Variants in ZFHX4 observed in about 807,000 individuals in gnomAD.
ZFHX4 encodes zinc finger homeobox protein 4.
Under a neutral mutation model 267.6 loss-of-function variants are expected in ZFHX4, and 56 were observed. The observed-to-expected ratio is 0.21, with a 90% CI of 0.17 to 0.26. The LOEUF (loss-of-function observed/expected upper bound fraction) is 0.26. Among genes scored for constraint, ZFHX4 ranks in the 10% least tolerant of loss-of-function variants. ZFHX4 has a pLI of 1.00. For missense variants in ZFHX4, 4,332 were observed against 4,420.0 expected (o/e 0.98, Z 0.56); for synonymous variants, 1,778 against 1,665.6 (o/e 1.07, Z -1.64).
At chr8:76,803,609 T>TA (rs35611878) in intron 4 of ZFHX4, among the ~76,000 whole-genome samples, 1 of 152,094 alleles carries the variant, frequency 6.6e-6, no homozygotes. Context: ...GAATTACTTC[T>TA]AAAAAGTATA....
At chr8:76,707,106 A>T (rs1808297361) in intron 2 of ZFHX4, among the ~76,000 whole-genome samples, 1 of 152,256 alleles carries the variant, frequency 6.6e-6, no homozygotes, top group Non-Finnish European at 1.5e-5. Context: ...GATCCAAGAT[A>T]ATTAATCTAA....
chr8:76,739,572 G>A (rs1331383296), intron 3 of ZFHX4, among the ~76,000 whole-genome samples: 1 of 152,018 alleles, frequency 6.6e-6, no homozygotes, highest in Non-Finnish European at 1.5e-5. Context: ...ATCAGGAAAG[G>A]CTTCATAAGA....
intron 10 of ZFHX4, among the ~76,000 whole-genome samples, chr8:76,859,790 A>T (rs1402057967): frequency 2.0e-5 from 3 of 152,140 alleles, no homozygotes; most frequent in Admixed American, 2.0e-4. Context: ...TTCATTTCCA[A>T]CCTCAAATAT....
intron 3 of ZFHX4, among the ~76,000 whole-genome samples, chr8:76,775,031 G>C (rs1269337493): frequency 6.6e-6 from 1 of 152,122 alleles, no homozygotes; most frequent in Non-Finnish European, 1.5e-5. Context: ...ATGTCATTGG[G>C]TAAAGTAAAT....
At chr8:76,838,323 A>G (rs140293311) in intron 5 of ZFHX4, among the ~76,000 whole-genome samples, 1,559 of 152,304 alleles carry the variant, frequency 0.01, 21 homozygotes, top group African/African-American at 0.026. Flanking sequence ...GGTGAATGTG[A>G]CACTCTAAAG....
chr8:76,709,742 T>C (rs1056782662), intron 3 of ZFHX4, among the ~76,000 whole-genome samples: 3 of 152,080 alleles, frequency 2.0e-5, no homozygotes, highest in African/African-American at 7.2e-5. Context: ...TCAGAAAACA[T>C]TTAATCTAAC....
intron 3 of ZFHX4, among the ~76,000 whole-genome samples, chr8:76,717,468 C>T (rs1288679242): frequency 6.6e-6 from 1 of 152,220 alleles, no homozygotes; most frequent in Admixed American, 6.5e-5. Context: ...CAGTTGACCA[C>T]ATCTATTAAA....
intron 1 of ZFHX4, among the ~76,000 whole-genome samples, chr8:76,695,330 G>T (rs1221923736): frequency 6.6e-6 from 1 of 152,150 alleles, no homozygotes; most frequent in Non-Finnish European, 1.5e-5. Flanking sequence ...CGCATATATG[G>T]CCTCTGTTTT....
chr8:76,854,069 C>T lies in ZFHX4; in HGVS notation c.7148C>T (p.Ser2383Phe). The T allele has an allele frequency of 6.2e-7, 1 of 1,613,968 alleles. No homozygotes were observed. Among genetic ancestry groups the T allele is most frequent in the Non-Finnish European group, 8.5e-7 (1 of 1,179,874 alleles). ...AKNAAAPAAS[S>F]GSGTSTPLIP... ...AACGCTGCTGCCCCTGCAGCAAGTT[C>T]TGGCTCTGGGACCAGCACCCCCCTG... The change falls in exon 10 of 11, where the codon TCT becomes TTT. Residue 2383 changes from serine (S) to phenylalanine (F), a missense_variant. Ser to Phe is a radical substitution (Grantham distance 155). Around this residue, in one of 7 missense-constraint regions of ZFHX4, gnomAD observed 1,648 missense variants for 1,625.0 expected, o/e 1.01. Coordinates refer to ENST00000651372, the MANE Select transcript of ZFHX4 (RefSeq NM_024721.5).
intron 8 of ZFHX4, 175 bp from the exon 9 acceptor site, chr8:76,850,070 C>G: frequency 3.3e-6 from 2 of 597,594 alleles, no homozygotes; most frequent in Non-Finnish European, 5.9e-6. Flanking sequence ...ACAACATTGC[C>G]ACAGCATTGA....
chr8:76,684,263 A>T (rs1204856357), intron 1 of ZFHX4, among the ~76,000 whole-genome samples: 1 of 152,084 alleles, frequency 6.6e-6, no homozygotes, highest in African/African-American at 2.4e-5. Flanking sequence ...TAAAAAAAAA[A>T]ATCCTTAAGG....
At chr8:76,774,420 A>G (rs1810352105) in intron 3 of ZFHX4, among the ~76,000 whole-genome samples, 1 of 152,176 alleles carries the variant, frequency 6.6e-6, no homozygotes, top group Non-Finnish European at 1.5e-5. Context: ...GTAGATAGAA[A>G]TACATCTGTA....
rs111799045 is a variant in ZFHX4 at position 76,851,834 on chromosome 8, T to C, written c.4913T>C (p.Ile1638Thr). Reference protein sequence around the residue: ...PSGHVAGGHSIAANVNSPGQG... With the variant: ...PSGHVAGGHSTAANVNSPGQG... ...GGTCATGTGGCTGGTGGGCACAGCA[T>C]TGCAGCAAATGTCAACAGCCCTGGC... The change falls in exon 10 of 11, where the codon ATT becomes ACT. Residue 1638 changes from isoleucine (I) to threonine (T), a missense_variant. By Grantham distance (89) the Ile-to-Thr change is moderately conservative (BLOSUM62 -1). Around this residue, in one of 7 missense-constraint regions of ZFHX4, gnomAD observed 1,371 missense variants for 1,423.1 expected, o/e 0.96. Transcript: ENST00000651372. 5.0e-6 allele frequency: 8 copies of C among 1,613,942 alleles called. No homozygotes were observed. In the African/African-American group the frequency reaches 6.7e-5, roughly 13 times the overall value.
At chr8:76,696,352 T>C (rs1807956519) in intron 1 of ZFHX4, among the ~76,000 whole-genome samples, 1 of 152,144 alleles carries the variant, frequency 6.6e-6, no homozygotes, top group East Asian at 1.9e-4. Context: ...GTAATTATTT[T>C]TCCTGAGATA....
intron 1 of ZFHX4, among the ~76,000 whole-genome samples, chr8:76,683,478 A>T (rs1807604953): frequency 6.6e-6 from 1 of 151,404 alleles, no homozygotes; most frequent in African/African-American, 2.4e-5. Flanking sequence ...ACTGACTCAG[A>T]CAGAGGCAGG....
At chr8:76,775,460 T>G (rs1810377629) in intron 3 of ZFHX4, among the ~76,000 whole-genome samples, 1 of 152,176 alleles carries the variant, frequency 6.6e-6, no homozygotes, top group African/African-American at 2.4e-5. Context: ...CAAAAAAGCT[T>G]TCTTCTGACA....
intron 3 of ZFHX4, among the ~76,000 whole-genome samples, chr8:76,734,701 T>A (rs187868115): frequency 2.8e-4 from 42 of 152,212 alleles, no homozygotes; most frequent in African/African-American, 8.2e-4. Context: ...AAATAAAGAT[T>A]TGCAATAAAG....
chr8:76,779,316 A>G (rs140762202), intron 4 of ZFHX4, among the ~76,000 whole-genome samples: 188 of 152,234 alleles, frequency 1.2e-3, no homozygotes, highest in African/African-American at 4.2e-3. Flanking sequence ...ATCTGTCAGG[A>G]GACATATTTA....
rs913084295 is a variant in ZFHX4, at chr8:76,864,280, C to T, written c.10566C>T (p.Ser3522=). Residue 3522 remains serine (S), a synonymous_variant, in exon 11 of 11, where the codon TCC becomes TCT. Transcript: ENST00000651372. Reference sequence around the variant, plus strand: ...CCTATCCTCATCTTTCTTGCTTCTCCATGAAGTCCTGGCCTAATATCCTTT... The same window carrying T: ...CCTATCCTCATCTTTCTTGCTTCTCTATGAAGTCCTGGCCTAATATCCTTT... The part of the protein sequence containing the change: ...NNTYPHLSCF[S]MKSWPNILFQ... 10 of 1,613,788 alleles carry T rather than the reference C, an allele frequency of 6.2e-6. No individual in the cohort carries two copies. The Admixed American group carries it at 1.0e-4, about 16-fold the overall frequency.
Sources: allele counts gnomAD v4.1 joint callset (sites outside exome capture counted in the v4.1 genomes callset), GRCh38; gene constraint gnomAD v4.1.1; regional missense constraint gnomAD v4.1.1; transcripts MANE v1.5; gene names NCBI Gene and HGNC (gene_info 2026-07-23, HGNC 2026-07-21).